The following PPP3CA variants were observed in gnomAD, a reference collection of about 807,000 sequenced individuals.
PPP3CA encodes protein phosphatase 3 catalytic subunit alpha.
In PPP3CA, 14 loss-of-function variants were observed where a neutral mutation model predicts 66.5. The ratio of observed to expected loss-of-function variants is 0.21; its 90% CI spans 0.14 to 0.33. The LOEUF is 0.33. Ranked by LOEUF, PPP3CA falls within the 10% of genes least tolerant of loss-of-function variation. PPP3CA has a pLI of 1.00. For missense variants in PPP3CA, 317 were observed against 639.5 expected, an observed-to-expected ratio of 0.50 and a Z score of 5.44; for synonymous variants, 232 against 226.2, an observed-to-expected ratio of 1.03 and a Z score of -0.23.
intron 2 of PPP3CA, among the ~76,000 whole-genome samples, chr4:101,180,021 C>T (rs748853865): frequency 7.9e-5 from 12 of 152,210 alleles, no homozygotes; most frequent in Non-Finnish European, 1.6e-4. Flanking sequence ...ATTCTGTAGT[C>T]ACCCAAAAAT....
At chr4:101,147,592 G>T (rs1723010730) in intron 2 of PPP3CA, among the ~76,000 whole-genome samples, 1 of 152,114 alleles carries the variant, frequency 6.6e-6, no homozygotes, top group Admixed American at 6.6e-5. Context: ...ACTTGAAATT[G>T]AACCAATCTG....
At chr4:101,152,640 A>G (rs1315560348) in intron 2 of PPP3CA, among the ~76,000 whole-genome samples, 1 of 152,258 alleles carries the variant, frequency 6.6e-6, no homozygotes, top group Non-Finnish European at 1.5e-5. Context: ...TTTCTCTATC[A>G]TGCCATTAAG....
chr4:101,110,782 C>T (rs1721643760), intron 2 of PPP3CA, among the ~76,000 whole-genome samples: 2 of 151,932 alleles, frequency 1.3e-5, no homozygotes, highest in Non-Finnish European at 2.9e-5. Flanking sequence ...ATATCTAAAC[C>T]AAGGGGGAAT....
At chr4:101,076,212 T>C (rs999445254) in intron 8 of PPP3CA, among the ~76,000 whole-genome samples, 3 of 152,020 alleles carry the variant, frequency 2.0e-5, no homozygotes, top group Middle Eastern at 3.4e-3. Context: ...AGAAAGGGTA[T>C]CAGCACTGGT....
rs144052937 is a variant in PPP3CA at position 101,113,631 on chromosome 4, T to G, written c.260-4553A>C. ...AGCTGTAAGATAAGGGATTTATCCT[T>G]AAGTCCTATTATCTCATTCACCATT... On this transcript the variant is annotated intron_variant, in intron 2 of 13. Transcript: ENST00000394854. 1.8e-3 allele frequency among the ~76,000 whole-genome samples: 269 copies of G among 152,282 alleles called. 2 individuals carry two copies. The highest frequency in any genetic ancestry group is 6.3e-3 in the African/African-American group (260 of 41,574).
intron 1 of PPP3CA, among the ~76,000 whole-genome samples, chr4:101,301,529 G>C (rs891420804): frequency 3.0e-5 from 4 of 134,942 alleles, no homozygotes; most frequent in African/African-American, 1.1e-4. Flanking sequence ...ATCTTGCTCT[G>C]TCACCCAGGC....
intron 2 of PPP3CA, among the ~76,000 whole-genome samples, chr4:101,171,455 A>G (rs1256250303): frequency 1.3e-5 from 2 of 152,154 alleles, no homozygotes; most frequent in Admixed American, 1.3e-4. Flanking sequence ...TAGTAATAAA[A>G]ATAATAATAG....
intron 1 of PPP3CA, among the ~76,000 whole-genome samples, chr4:101,208,341 G>T (rs545690273): frequency 4.0e-4 from 61 of 152,250 alleles, no homozygotes; most frequent in African/African-American, 1.4e-3. Context: ...TTTATTCAGA[G>T]CTTTGGTTCC....
chr4:101,090,177 A>G (rs1729850147), intron 6 of PPP3CA, among the ~76,000 whole-genome samples: 1 of 152,246 alleles, frequency 6.6e-6, no homozygotes, highest in African/African-American at 2.4e-5. Flanking sequence ...ACTAAAGACA[A>G]AAGGACCAAA....
intron 2 of PPP3CA, among the ~76,000 whole-genome samples, chr4:101,118,268 GC>G (rs1347163270): frequency 6.6e-6 from 1 of 152,042 alleles, no homozygotes; most frequent in African/African-American, 2.4e-5. Context: ...ATGCCAGACT[GC>G]TTGGTTCCAA....
At chr4:101,123,647 G>T (rs925641290) in intron 2 of PPP3CA, among the ~76,000 whole-genome samples, 1 of 152,052 alleles carries the variant, frequency 6.6e-6, no homozygotes, top group Non-Finnish European at 1.5e-5. Flanking sequence ...CCTGCACAAC[G>T]TGGTGAAACC....
intron 1 of PPP3CA, among the ~76,000 whole-genome samples, chr4:101,303,905 T>C (rs1265060951): frequency 6.6e-6 from 1 of 152,198 alleles, no homozygotes; most frequent in Non-Finnish European, 1.5e-5. Flanking sequence ...GTTGAACATA[T>C]TTCTATATCT....
intron 8 of PPP3CA, among the ~76,000 whole-genome samples, chr4:101,070,489 G>A (rs1402211063): frequency 6.6e-6 from 1 of 152,106 alleles, no homozygotes; most frequent in African/African-American, 2.4e-5. Context: ...CATGGCAACT[G>A]CATGAACTTG....
intron 1 of PPP3CA, among the ~76,000 whole-genome samples, chr4:101,300,466 C>T (rs1187081114): frequency 6.6e-6 from 1 of 152,112 alleles, no homozygotes; most frequent in Non-Finnish European, 1.5e-5. Flanking sequence ...GTGATAAAAC[C>T]ATTTTTGTTT....
chr4:101,078,546 G>A (rs904220282), intron 8 of PPP3CA, among the ~76,000 whole-genome samples: 1 of 151,970 alleles, frequency 6.6e-6, no homozygotes. Context: ...TAATCATCTT[G>A]GGTCTTATAT....
intron 1 of PPP3CA, among the ~76,000 whole-genome samples, chr4:101,346,297 T>C (rs1729992008): frequency 6.6e-6 from 1 of 151,882 alleles, no homozygotes; most frequent in Non-Finnish European, 1.5e-5. Context: ...AAAAATGCCG[T>C]ATTAATTTTT....
At chr4:101,096,080 G>C (rs1291470002) in intron 5 of PPP3CA, among the ~76,000 whole-genome samples, 1 of 152,166 alleles carries the variant, frequency 6.6e-6, no homozygotes, top group Non-Finnish European at 1.5e-5. Flanking sequence ...CAAAGACACA[G>C]AGCAGGAAAC....
intron 5 of PPP3CA, among the ~76,000 whole-genome samples, chr4:101,094,226 A>G (rs1441616263): frequency 6.6e-6 from 1 of 151,660 alleles, no homozygotes; most frequent in Middle Eastern, 3.2e-3. Flanking sequence ...CCTATTCTAC[A>G]TTTTATCCTT....
intron 2 of PPP3CA, among the ~76,000 whole-genome samples, chr4:101,128,894 T>C (rs1001987788): frequency 3.3e-5 from 5 of 151,902 alleles, no homozygotes; most frequent in South Asian, 2.1e-4. Flanking sequence ...ACAAGCGAGA[T>C]GGAACCATTC....
Sources: allele counts gnomAD v4.1 joint callset (sites outside exome capture counted in the v4.1 genomes callset), GRCh38; gene constraint gnomAD v4.1.1; transcripts MANE v1.5; gene names NCBI Gene and HGNC (gene_info 2026-07-23, HGNC 2026-07-21).